Variants in NDUFS4 observed in about 807,000 individuals in gnomAD.
The protein encoded by NDUFS4 is NADH dehydrogenase [ubiquinone] iron-sulfur protein 4, mitochondrial.
Under a neutral mutation model 24.3 loss-of-function variants are expected in NDUFS4, and 28 were observed. That is an observed-to-expected ratio of 1.15 (90% CI 0.85 to 1.58). The LOEUF is 1.58. Among genes scored for constraint, NDUFS4 ranks in the 40% most tolerant of loss-of-function variants. NDUFS4 has a pLI of 0.00. For missense variants in NDUFS4, 223 were observed against 207.9 expected (o/e 1.07, Z -0.45); for synonymous variants, 93 against 69.7 (o/e 1.34, Z -1.67).
intron 2 of NDUFS4, among the ~76,000 whole-genome samples, chr5:53,636,595 T>C (rs1442029450): frequency 1.3e-5 from 2 of 152,218 alleles, no homozygotes; most frequent in Admixed American, 6.5e-5. Context: ...TCAAACTAAT[T>C]TGTTTGCAAA....
At chr5:53,611,052 GAGTCACTCAT>G (rs2112466640) in intron 2 of NDUFS4, among the ~76,000 whole-genome samples, 1 of 152,022 alleles carries the variant, frequency 6.6e-6, no homozygotes, top group Admixed American at 6.6e-5. Flanking sequence ...CATATTCACA[GAGTCACTCAT>G]AGGACATCTT....
intron 4 of NDUFS4, among the ~76,000 whole-genome samples, chr5:53,676,265 T>TA (rs1293850579): frequency 6.6e-6 from 1 of 152,200 alleles, no homozygotes; most frequent in Admixed American, 6.5e-5. Flanking sequence ...CTCTCAATTA[T>TA]AGTTGTTCTC....
chr5:53,680,858 A>G (rs1474624245), intron 4 of NDUFS4, among the ~76,000 whole-genome samples: 1 of 152,056 alleles, frequency 6.6e-6, no homozygotes, highest in Non-Finnish European at 1.5e-5. Context: ...ATAAAAAAAT[A>G]CATTTCAAGC....
chr5:53,564,601 G>A (rs577104151), intron 1 of NDUFS4, among the ~76,000 whole-genome samples: 1 of 152,140 alleles, frequency 6.6e-6, no homozygotes, highest in Non-Finnish European at 1.5e-5. Flanking sequence ...GTGCAGTGGC[G>A]CAATCTTGGC....
chr5:53,584,320 A>C (rs1271733009), intron 1 of NDUFS4, among the ~76,000 whole-genome samples: 1 of 152,180 alleles, frequency 6.6e-6, no homozygotes, highest in Non-Finnish European at 1.5e-5. Flanking sequence ...ATCTTGGTAT[A>C]CATTCTTAAA....
chr5:53,662,463 T>G (rs1315635600), intron 4 of NDUFS4, among the ~76,000 whole-genome samples: 1 of 152,120 alleles, frequency 6.6e-6, no homozygotes, highest in Non-Finnish European at 1.5e-5. Context: ...CTCTTTTTTT[T>G]GTTGTGTCTC....
intron 2 of NDUFS4, among the ~76,000 whole-genome samples, chr5:53,608,404 T>G (rs577337435): frequency 5.9e-4 from 90 of 152,332 alleles, no homozygotes; most frequent in African/African-American, 2.1e-3. Context: ...CTTCCTTTCA[T>G]GAAAAATTTC....
Position 53,682,934 on chromosome 5 carries a change from T to G in NDUFS4, c.425-184T>G, listed in dbSNP as rs181717906. The stretch of plus-strand genomic sequence containing the variant: ...AATCTGCAGGCAATCTTTTGGACCC[T>G]TTTCTCACAGAGGATTGATTATAAG... On this transcript the variant is annotated intron_variant, in intron 4 of 4. Coordinates refer to ENST00000296684, the MANE Select transcript of NDUFS4 (RefSeq NM_002495.4). Among the ~76,000 whole-genome samples, 355 of 71,750 alleles carry G rather than the reference T, an allele frequency of 4.9e-3. 5 individuals are homozygous for G. The highest frequency in any genetic ancestry group is 0.02 in the African/African-American group (331 of 16,768). The allele number at this position is 71,750 out of a possible 152,430, so 47.1% of individuals were successfully genotyped here.
intron 3 of NDUFS4, among the ~76,000 whole-genome samples, chr5:53,651,744 A>G (rs1370091913): frequency 6.6e-6 from 1 of 150,412 alleles, no homozygotes; most frequent in Non-Finnish European, 1.5e-5. Flanking sequence ...AAGGTTTCCT[A>G]ATTTAGGGGA....
chr5:53,584,604 T>C (rs994693268), intron 1 of NDUFS4, among the ~76,000 whole-genome samples: 1 of 151,856 alleles, frequency 6.6e-6, no homozygotes, highest in Non-Finnish European at 1.5e-5. Flanking sequence ...CCTCCCAAAG[T>C]GCTGGGATTA....
chr5:53,574,761 CT>C (rs1166195634), intron 1 of NDUFS4, among the ~76,000 whole-genome samples: 5 of 151,968 alleles, frequency 3.3e-5, no homozygotes, highest in South Asian at 2.1e-4. Flanking sequence ...TGGATGCTTT[CT>C]TTTTTTTGTT....
chr5:53,655,347 A>G (rs534545606), intron 3 of NDUFS4, among the ~76,000 whole-genome samples: 4 of 151,534 alleles, frequency 2.6e-5, no homozygotes, highest in Admixed American at 1.3e-4. Context: ...ACTTCTAACA[A>G]CATAGATTAG....
intron 1 of NDUFS4, among the ~76,000 whole-genome samples, chr5:53,597,959 T>C (rs191791757): frequency 1.3e-4 from 20 of 152,306 alleles, no homozygotes; most frequent in African/African-American, 3.8e-4. Flanking sequence ...AGCAGATAAC[T>C]CACCAAAGAA....
chr5:53,601,344 A>G (rs1410611569), intron 1 of NDUFS4, among the ~76,000 whole-genome samples: 1 of 152,206 alleles, frequency 6.6e-6, no homozygotes, highest in African/African-American at 2.4e-5. Flanking sequence ...TATTATTACA[A>G]TTAGTTGGAG....
chr5:53,645,665 A>AG (rs1751840179), intron 2 of NDUFS4, among the ~76,000 whole-genome samples: 7 of 152,184 alleles, frequency 4.6e-5, no homozygotes, highest in Admixed American at 4.6e-4. Context: ...GTTTCACCAA[A>AG]GGGGGGAGAT....
chr5:53,590,872 A>G (rs764766969), intron 1 of NDUFS4, among the ~76,000 whole-genome samples: 3 of 152,194 alleles, frequency 2.0e-5, no homozygotes, highest in African/African-American at 4.8e-5. Flanking sequence ...TTACCATCAT[A>G]TATCTCCAGA....
chr5:53,680,137 C>CAAACAG (rs1322434941), intron 4 of NDUFS4, among the ~76,000 whole-genome samples: 1 of 150,890 alleles, frequency 6.6e-6, no homozygotes, highest in Non-Finnish European at 1.5e-5. Context: ...AACTTATTAG[C>CAAACAG]CCTGTGACCT....
At position 53,631,608 on chromosome 5, in the gene NDUFS4, A is replaced by G. The variant is rs188814464; in HGVS notation, c.178-14625A>G. Among the ~76,000 whole-genome samples, 33 of 152,314 alleles carry G rather than the reference A, an allele frequency of 2.2e-4. No individual in the cohort carries two copies. In the East Asian group the frequency reaches 6.4e-3, roughly 29 times the overall value. On this transcript the variant is annotated intron_variant, in intron 2 of 4. Coordinates refer to ENST00000296684, the MANE Select transcript of NDUFS4 (RefSeq NM_002495.4). The stretch of plus-strand genomic sequence containing the variant: ...CCATAGAGGTGGAATCTAGAGAGGC[A>G]GTCAGCCTTGCTGAGCTGTGATGGG...
chr5:53,595,051 A>G (rs1465280202), intron 1 of NDUFS4, among the ~76,000 whole-genome samples: 1 of 152,146 alleles, frequency 6.6e-6, no homozygotes, highest in Non-Finnish European at 1.5e-5. Context: ...CTGATTTAAA[A>G]TTGTATTTTT....
Sources: allele counts gnomAD v4.1 joint callset (sites outside exome capture counted in the v4.1 genomes callset), GRCh38; gene constraint gnomAD v4.1.1; transcripts MANE v1.5; gene names NCBI Gene and HGNC (gene_info 2026-07-23, HGNC 2026-07-21).